Variants in CTNNA2 observed in about 807,000 individuals in gnomAD.
CTNNA2 encodes the protein catenin alpha 2.
A neutral mutation model predicts 101.0 loss-of-function variants in CTNNA2; 42 were observed. The ratio of observed to expected loss-of-function variants is 0.42; its 90% CI spans 0.32 to 0.54. CTNNA2 has a LOEUF of 0.54. Among genes scored for constraint, CTNNA2 ranks in the 20% least tolerant of loss-of-function variants. The pLI is 0.14. For synonymous variants in CTNNA2, 450 were observed against 456.4 expected (o/e 0.99, Z 0.18); for missense variants, 871 against 1,223.1 (o/e 0.71, Z 4.29).
chr2:79,281,538 G>A (rs1157061431), intron 2 of CTNNA2: 1 of 152,206 alleles, frequency 6.6e-6, no homozygotes. Flanking sequence ...TTTCAACTGT[G>A]AGTACTACTC....
intron 2 of CTNNA2, among the ~76,000 whole-genome samples, chr2:79,706,656 G>A (rs1054061306): frequency 6.6e-6 from 1 of 152,098 alleles, no homozygotes; most frequent in Non-Finnish European, 1.5e-5. Context: ...TGACTCACAT[G>A]GTAGTAAGAG....
At chr2:79,617,242 A>T (rs762043292) in intron 1 of CTNNA2, among the ~76,000 whole-genome samples, 1 of 151,866 alleles carries the variant, frequency 6.6e-6, no homozygotes, top group Admixed American at 6.6e-5. Context: ...CATTTTCCCC[A>T]TCCTCTGCCT....
intron 2 of CTNNA2, among the ~76,000 whole-genome samples, chr2:79,243,520 G>A (rs1030819807): frequency 6.6e-6 from 1 of 152,122 alleles, no homozygotes; most frequent in Non-Finnish European, 1.5e-5. Flanking sequence ...TTTTAGCAAC[G>A]AAGCTTGTTA....
intron 7 of CTNNA2, among the ~76,000 whole-genome samples, chr2:79,910,131 G>A (rs888102615): frequency 2.6e-5 from 4 of 152,186 alleles, no homozygotes; most frequent in African/African-American, 9.7e-5. Flanking sequence ...GGAAACAGCT[G>A]AGGATATAGT....
At chr2:79,270,030 T>C (rs916652854) in intron 2 of CTNNA2, among the ~76,000 whole-genome samples, 1 of 152,116 alleles carries the variant, frequency 6.6e-6, no homozygotes, top group African/African-American at 2.4e-5. Flanking sequence ...TCCCCACTTA[T>C]TGTCTGTGAT....
chr2:79,536,575 G>GTATGTGTGTGTGTGTGTA (rs1553422804), intron 1 of CTNNA2, among the ~76,000 whole-genome samples: 6 of 20,868 alleles, frequency 2.9e-4, no homozygotes, highest in Non-Finnish European at 6.8e-4. Flanking sequence ...CTCTAAAGAA[G>GTATGTGTGTGTGTGTGTA]TGTGTGTGTG....
intron 12 of CTNNA2, among the ~76,000 whole-genome samples, chr2:80,567,632 A>G (rs1694174725): frequency 6.6e-6 from 1 of 152,200 alleles, no homozygotes. Flanking sequence ...TAGAAATAAC[A>G]TCAAACATCA....
chr2:79,646,729 A>G (rs1006677143), intron 1 of CTNNA2, among the ~76,000 whole-genome samples: 4 of 151,810 alleles, frequency 2.6e-5, no homozygotes, highest in African/African-American at 7.3e-5. Flanking sequence ...TGGTCTCACT[A>G]TGTTGTCCAG....
chr2:79,348,167 G>GATA lies in CTNNA2; in HGVS notation c.-317-25663_-317-25662insTAA, dbSNP rs200878646. Among the ~76,000 whole-genome samples the GATA allele has an allele frequency of 6.5e-3, 995 of 152,274 alleles. 5 individuals are homozygous for GATA. The highest frequency in any genetic ancestry group is 0.023 in the African/African-American group (949 of 41,562). On this transcript the variant is annotated intron_variant, in intron 3 of 21. Transcript: ENST00000466387. ...AAAACGACTTACTTTGGACTCCTAT[G>GATA]AAAACAGTACTCTATCAATTGATGT...
intron 4 of CTNNA2, among the ~76,000 whole-genome samples, chr2:79,449,972 A>G (rs1391997090): frequency 6.6e-6 from 1 of 152,016 alleles, no homozygotes; most frequent in Non-Finnish European, 1.5e-5. Flanking sequence ...AGATATTTCT[A>G]TTCCAGTTTC....
Position 80,188,765 on chromosome 2 carries a change from C to T in CTNNA2, c.1057-204446C>T, listed in dbSNP as rs1245537147. On this transcript the variant is annotated intron_variant, in intron 7 of 18. Coordinates refer to ENST00000402739, the MANE Select transcript of CTNNA2 (RefSeq NM_001282597.3). The stretch of plus-strand genomic sequence containing the variant: ...TTTACATTGGGACCACTTGGATAGT[C>T]GAGGTAACCTCCCCGTCTCAAGATC... Among the ~76,000 whole-genome samples the T allele has an allele frequency of 2.6e-5, 4 of 152,160 alleles. No individual in the cohort carries two copies. The South Asian group carries it at 6.2e-4, about 24-fold the overall frequency.
intron 2 of CTNNA2, among the ~76,000 whole-genome samples, chr2:79,260,726 T>C (rs1436057892): frequency 6.6e-6 from 1 of 152,168 alleles, no homozygotes; most frequent in Non-Finnish European, 1.5e-5. Context: ...AGTTTCATCA[T>C]GGCTTACACT....
At chr2:79,624,484 A>G (rs80145824) in intron 1 of CTNNA2, among the ~76,000 whole-genome samples, 6,297 of 152,228 alleles carry the variant, frequency 0.041, 353 homozygotes, top group African/African-American at 0.12. Context: ...TTTGGAAAAT[A>G]TGAAAAGAAG....
intron 12 of CTNNA2, chr2:80,573,023 CACAGAGGGA>C (rs1694739117): frequency 6.6e-6 from 1 of 152,080 alleles, no homozygotes; most frequent in African/African-American, 2.4e-5. Context: ...CAGAATTTCT[CACAGAGGGA>C]TTAAAATGGA....
chr2:80,303,724 C>A lies in CTNNA2; in HGVS notation c.1057-89487C>A. The A allele has an allele frequency of 6.2e-7, 1 of 1,605,506 alleles. No homozygotes were observed. The highest frequency in any genetic ancestry group is 8.5e-7 in the Non-Finnish European group (1 of 1,175,810). On this transcript the variant is annotated intron_variant, in intron 7 of 18. Transcript: ENST00000402739. This position sits in a 1 kb window ranked among gnomAD's most constrained non-coding sequence, Gnocchi z 7.7. ...GCGGGCACCCGCTGGGGGCGGCGGG[C>A]AGCATCTGAAAGCAGGCCCCCAGCA...
intron 7 of CTNNA2, among the ~76,000 whole-genome samples, chr2:80,254,255 T>C (rs542530173): frequency 6.6e-6 from 1 of 152,212 alleles, no homozygotes; most frequent in Non-Finnish European, 1.5e-5. Flanking sequence ...ATATATTATG[T>C]GCATTCTTTA....
At chr2:79,443,548 G>A (rs531346358) in intron 4 of CTNNA2, among the ~76,000 whole-genome samples, 1 of 152,020 alleles carries the variant, frequency 6.6e-6, no homozygotes, top group African/African-American at 2.4e-5. Context: ...CTAACTAGTT[G>A]TCTGGGCATC....
chr2:80,442,868 G>T (rs2149444338), intron 9 of CTNNA2, among the ~76,000 whole-genome samples: 1 of 152,256 alleles, frequency 6.6e-6, no homozygotes, highest in East Asian at 1.9e-4. Flanking sequence ...TCTCCAGACA[G>T]CTCAGAGCAG....
intron 13 of CTNNA2, among the ~76,000 whole-genome samples, chr2:80,577,098 TC>T (rs1243797691): frequency 1.3e-5 from 2 of 152,186 alleles, no homozygotes; most frequent in East Asian, 3.9e-4. Context: ...GGTAATTCTG[TC>T]TTGGTTATTC....
Sources: gnomAD v4.1 joint callset for allele counts (sites outside exome capture counted in the v4.1 genomes callset) on GRCh38, gnomAD v4.1.1 for gene constraint, Gnocchi (gnomAD v3.1) non-coding constraint, MANE v1.5 for transcripts, NCBI Gene and HGNC (gene_info 2026-07-23, HGNC 2026-07-21) for gene names.